Variants in TRIM51G observed in about 807,000 individuals in gnomAD.
TRIM51G encodes the protein tripartite motif-containing protein 51G.
the TRIM51G span, among the ~76,000 whole-genome samples, chr11:48,980,119 G>C: frequency 4.0e-5 from 6 of 151,862 alleles, no homozygotes; most frequent in Admixed American, 3.9e-4. Context: ...TCAATTGCAA[G>C]ATTTGTGTTT....
At chr11:48,978,205 C>T in the TRIM51G span, 15 of 530,924 alleles carry the variant, frequency 2.8e-5, no homozygotes, top group South Asian at 2.0e-4. Flanking sequence ...CAAGATGCAT[C>T]TTCAACTAAG....
the TRIM51G span, among the ~76,000 whole-genome samples, chr11:48,978,655 A>T: frequency 6.6e-6 from 1 of 152,208 alleles, no homozygotes; most frequent in South Asian, 2.1e-4. Flanking sequence ...TGGCCATTCC[A>T]CATAGTTTTG....
chr11:48,981,285 C>G, the TRIM51G span: 4 of 1,604,774 alleles, frequency 2.5e-6, no homozygotes, highest in South Asian at 3.3e-5. Context: ...CATCACTTAC[C>G]CGGCGTTCCT....
At chr11:48,982,956 CATATATATAT>C in the TRIM51G span, among the ~76,000 whole-genome samples, 1 of 33,050 alleles carries the variant, frequency 3.0e-5, no homozygotes, top group African/African-American at 1.0e-4. Context: ...GGTATATATA[CATATATATAT>C]ATATATATAT....
the TRIM51G span, chr11:48,981,689 A>C: frequency 2.5e-6 from 4 of 1,598,862 alleles, no homozygotes; most frequent in Non-Finnish European, 3.4e-6. Flanking sequence ...AAGATTCCAG[A>C]ATTCATGTTT....
chr11:48,978,186 T>C, the TRIM51G span: 1 of 532,248 alleles, frequency 1.9e-6, no homozygotes, highest in Non-Finnish European at 3.9e-6. Flanking sequence ...AAAGGCTTAG[T>C]GCTTTCCACA....
At chr11:48,979,809 A>ATG in the TRIM51G span, among the ~76,000 whole-genome samples, 1 of 149,544 alleles carries the variant, frequency 6.7e-6, no homozygotes, top group Non-Finnish European at 1.5e-5. Flanking sequence ...ATCCATATAT[A>ATG]TATATAATAT....
At chr11:48,977,272 C>G in the TRIM51G span, 3 of 640,622 alleles carry the variant, frequency 4.7e-6, no homozygotes, top group Non-Finnish European at 8.6e-6. Flanking sequence ...TCATGAGAAT[C>G]CCTTTAACCC....
At chr11:48,981,476 C>A in the TRIM51G span, 72 of 1,607,088 alleles carry the variant, frequency 4.5e-5, no homozygotes, top group Non-Finnish European at 6.0e-5. Context: ...GCAATGGAAG[C>A]CATGTTCTTC....
chr11:48,981,598 C>T, the TRIM51G span: 22 of 1,601,636 alleles, frequency 1.4e-5, no homozygotes, highest in Non-Finnish European at 1.8e-5. Flanking sequence ...CCGGCAAAAG[C>T]TGTGCCCACA....
the TRIM51G span, among the ~76,000 whole-genome samples, chr11:48,982,470 G>C: frequency 6.6e-6 from 1 of 152,048 alleles, no homozygotes; most frequent in Non-Finnish European, 1.5e-5. Context: ...AGTCTGTGAA[G>C]GTGTTTGCAG....
At chr11:48,978,843 C>G in the TRIM51G span, 1 of 1,000,434 alleles carries the variant, frequency 1.0e-6, no homozygotes, top group Admixed American at 1.7e-5. Flanking sequence ...GAATCTTCAA[C>G]ATCATGATAA....
At chr11:48,981,583 C>G in the TRIM51G span, 4 of 1,601,370 alleles carry the variant, frequency 2.5e-6, no homozygotes, top group African/African-American at 2.7e-5. Flanking sequence ...GAGGTAGAAA[C>G]AGGGCCGGCA....
chr11:48,980,781 C>A, the TRIM51G span: 2 of 373,672 alleles, frequency 5.4e-6, no homozygotes, highest in Non-Finnish European at 1.1e-5. Context: ...GTTTTTTTCT[C>A]AAGTGTTTTT....
At chr11:48,976,891 T>A in the TRIM51G span, among the ~76,000 whole-genome samples, 58 of 151,904 alleles carry the variant, frequency 3.8e-4, no homozygotes, top group East Asian at 1.2e-3. Context: ...ATATATTTGT[T>A]TTTCACTATG....
At chr11:48,978,713 A>G in the TRIM51G span, among the ~76,000 whole-genome samples, 4 of 152,156 alleles carry the variant, frequency 2.6e-5, no homozygotes, top group African/African-American at 9.6e-5. Flanking sequence ...TAGAATCACT[A>G]GGAGAGGCTG....
the TRIM51G span, chr11:48,981,040 A>T: frequency 1.5e-6 from 1 of 675,760 alleles, no homozygotes; most frequent in Admixed American, 2.2e-5. Context: ...AGTGAAGACA[A>T]TAAAGTATCA....
the TRIM51G span, among the ~76,000 whole-genome samples, chr11:48,976,544 C>A: frequency 1.6e-4 from 24 of 152,220 alleles, no homozygotes; most frequent in African/African-American, 5.8e-4. Flanking sequence ...AAATTTTACA[C>A]GTAGCTCTTC....
At chr11:48,979,013 C>A in the TRIM51G span, 2 of 1,240,492 alleles carry the variant, frequency 1.6e-6, no homozygotes, top group South Asian at 2.4e-5. Context: ...TTTGCAGCCT[C>A]TCCAAGTGAC....
Sources: gnomAD v4.1 joint callset for allele counts (sites outside exome capture counted in the v4.1 genomes callset) on GRCh38, gnomAD v4.1.1 for gene constraint, MANE v1.5 for transcripts, NCBI Gene and HGNC (gene_info 2026-07-23, HGNC 2026-07-21) for gene names.